The following PRKCA variants were observed in gnomAD, a reference collection of about 807,000 sequenced individuals.
PRKCA encodes the protein protein kinase C alpha type.
In PRKCA, 27 loss-of-function variants were observed where a neutral mutation model predicts 87.0. The observed-to-expected ratio is 0.31, with a 90% CI of 0.23 to 0.43. The LOEUF (loss-of-function observed/expected upper bound fraction) is 0.43, where lower values mean the gene tolerates loss of function less well. Among genes scored for constraint, PRKCA ranks in the 20% least tolerant of loss-of-function variants. The probability of loss-of-function intolerance (pLI) is 1.00; values close to 1 mark genes in which losing one functional copy is unlikely to be tolerated. For missense variants in PRKCA, 518 were observed against 852.3 expected (o/e 0.61, Z 4.88); for synonymous variants, 329 against 311.1 (o/e 1.06, Z -0.61).
chr17:66,628,658 A>G (rs1393374856), intron 3 of PRKCA, among the ~76,000 whole-genome samples: 1 of 152,224 alleles, frequency 6.6e-6, no homozygotes, highest in East Asian at 1.9e-4. Context: ...ACAAATTACT[A>G]GAATACTATT....
intron 3 of PRKCA, among the ~76,000 whole-genome samples, chr17:66,618,981 G>C (rs1054887109): frequency 6.6e-6 from 1 of 152,088 alleles, no homozygotes; most frequent in Non-Finnish European, 1.5e-5. Context: ...ACCCATATAA[G>C]TAAAGTTGAT....
chr17:66,624,831 A>G (rs1970804344), intron 3 of PRKCA, among the ~76,000 whole-genome samples: 1 of 150,660 alleles, frequency 6.6e-6, no homozygotes, highest in Admixed American at 6.6e-5. Flanking sequence ...AATAAAAAGA[A>G]TTATTTGCAA....
At chr17:66,664,093 C>T (rs998880167) in intron 5 of PRKCA, among the ~76,000 whole-genome samples, 2 of 152,148 alleles carry the variant, frequency 1.3e-5, no homozygotes, top group African/African-American at 4.8e-5. Context: ...GTCTCGAACT[C>T]CTGGCCTCAA....
intron 6 of PRKCA, among the ~76,000 whole-genome samples, 184 bp from the exon 7 acceptor site, chr17:66,688,118 C>T (rs1018802479): frequency 3.3e-5 from 5 of 152,128 alleles, no homozygotes; most frequent in Admixed American, 2.0e-4. Context: ...AGATTTGGCC[C>T]ATGGGTCATA....
intron 2 of PRKCA, among the ~76,000 whole-genome samples, chr17:66,319,191 A>G (rs1438675317): frequency 6.6e-6 from 1 of 152,104 alleles, no homozygotes; most frequent in Non-Finnish European, 1.5e-5. Context: ...CCATGAATCT[A>G]ATGAAATGTT....
chr17:66,364,573 C>T (rs986431818), intron 2 of PRKCA, among the ~76,000 whole-genome samples: 4 of 152,072 alleles, frequency 2.6e-5, no homozygotes, highest in Admixed American at 2.6e-4. Context: ...CGGAAGATGC[C>T]AGCTCTACCA....
At chr17:66,591,375 T>G (rs1969799865) in intron 3 of PRKCA, among the ~76,000 whole-genome samples, 1 of 151,770 alleles carries the variant, frequency 6.6e-6, no homozygotes, top group Non-Finnish European at 1.5e-5. Context: ...CCCAGGCTGG[T>G]CTTGAACTCC....
chr17:66,655,788 G>A (rs544845516), intron 5 of PRKCA, among the ~76,000 whole-genome samples: 2 of 152,146 alleles, frequency 1.3e-5, no homozygotes, highest in African/African-American at 4.8e-5. Context: ...CCAAATCCAG[G>A]TGACTCTCCC....
intron 10 of PRKCA, among the ~76,000 whole-genome samples, chr17:66,737,722 C>G (rs957223910): frequency 6.6e-6 from 1 of 152,232 alleles, no homozygotes; most frequent in African/African-American, 2.4e-5. Flanking sequence ...CCCAGCCGTT[C>G]CCACTGACTC....
chr17:66,388,194 T>C (rs530342602), intron 2 of PRKCA, among the ~76,000 whole-genome samples: 2 of 152,310 alleles, frequency 1.3e-5, no homozygotes, highest in Admixed American at 1.3e-4. Flanking sequence ...GGGGCAGGGA[T>C]GACATCTTTA....
intron 8 of PRKCA, among the ~76,000 whole-genome samples, chr17:66,715,553 C>T (rs1298373842): frequency 2.6e-5 from 4 of 152,070 alleles, no homozygotes; most frequent in Non-Finnish European, 4.4e-5. Context: ...TGGAAAGATT[C>T]GGGAGACACA....
intron 2 of PRKCA, among the ~76,000 whole-genome samples, chr17:66,342,798 T>G (rs1907125154): frequency 6.6e-6 from 1 of 152,236 alleles, no homozygotes; most frequent in Non-Finnish European, 1.5e-5. Flanking sequence ...ATCTGAAATT[T>G]CATTAATTTT....
chr17:66,653,588 C>G (rs1172925485), intron 5 of PRKCA, among the ~76,000 whole-genome samples: 1 of 152,060 alleles, frequency 6.6e-6, no homozygotes, highest in Admixed American at 6.6e-5. Flanking sequence ...AAAACCCCAT[C>G]TCCAAAAAAA....
chr17:66,502,849 C>T lies in PRKCA; in HGVS notation c.288+6566C>T, dbSNP rs146898349. 5.8e-4 allele frequency among the ~76,000 whole-genome samples: 88 copies of T among 151,840 alleles called. 2 individuals are homozygous for T. In the East Asian group the frequency reaches 0.014, roughly 25 times the overall value. ...TTTTTTTTTGTATTTTTAGTAGAGA[C>T]AGGGTTTCACCATGTTAGCCAGGAT... On this transcript the variant is annotated intron_variant, in intron 3 of 16. Transcript: ENST00000413366.
At chr17:66,430,722 C>T (rs541917742) in intron 2 of PRKCA, among the ~76,000 whole-genome samples, 1 of 152,272 alleles carries the variant, frequency 6.6e-6, no homozygotes, top group South Asian at 2.1e-4. Flanking sequence ...TACCATTCCT[C>T]CTTTGCCTTT....
intron 2 of PRKCA, among the ~76,000 whole-genome samples, chr17:66,310,857 A>T (rs1400440284): frequency 2.0e-5 from 3 of 152,308 alleles, no homozygotes; most frequent in Admixed American, 2.0e-4. Context: ...TTGTATGGAC[A>T]CCAAGTACCA....
rs189367689 is a variant in PRKCA, at chr17:66,639,909, C to T, written c.289-1446C>T. 5.6e-4 allele frequency among the ~76,000 whole-genome samples: 85 copies of T among 152,098 alleles called. 2 individuals carry two copies. In the East Asian group the frequency reaches 0.015, roughly 27 times the overall value. ...ACTTGGGAGGCTGAGACAGGAGAAT[C>T]GCTTGAACCTGGGAGGCAGAGGTTG... On this transcript the variant is annotated intron_variant, in intron 3 of 16. Coordinates refer to ENST00000413366, the MANE Select transcript of PRKCA (RefSeq NM_002737.3).
intron 11 of PRKCA, among the ~76,000 whole-genome samples, chr17:66,739,101 C>T (rs1974101594): frequency 6.6e-6 from 1 of 152,062 alleles, no homozygotes; most frequent in Non-Finnish European, 1.5e-5. Flanking sequence ...AGGCTGGTCC[C>T]GAACTCCTGA....
chr17:66,363,796 G>C (rs978686674), intron 2 of PRKCA, among the ~76,000 whole-genome samples: 1 of 152,132 alleles, frequency 6.6e-6, no homozygotes, highest in Non-Finnish European at 1.5e-5. Flanking sequence ...TCTGCCTCCC[G>C]GGTTCAAACG....
Sources: gnomAD v4.1 joint callset for allele counts (sites outside exome capture counted in the v4.1 genomes callset) on GRCh38, gnomAD v4.1.1 for gene constraint, MANE v1.5 for transcripts, NCBI Gene and HGNC (gene_info 2026-07-23, HGNC 2026-07-21) for gene names.